POLA1: variants seen among roughly 807,000 people sequenced by gnomAD.
POLA1 encodes the protein DNA polymerase alpha catalytic subunit.
POLA1 carries 15 observed loss-of-function variants against 124.0 expected under a neutral mutation model. The observed-to-expected ratio is 0.12, with a 90% CI of 0.08 to 0.19. The LOEUF is 0.19. POLA1 is among the 10% of genes least tolerant of loss of function. The probability of loss-of-function intolerance (pLI) is 1.00; values close to 1 mark genes in which losing one functional copy is unlikely to be tolerated. For missense variants in POLA1, 886 were observed against 1,103.4 expected (o/e 0.80, Z 2.79); for synonymous variants, 408 against 389.4 (o/e 1.05, Z -0.56).
chrX:24,729,227 G>C (rs1930737795), intron 15 of POLA1, among the ~76,000 whole-genome samples: 2 of 111,730 alleles, frequency 1.8e-5, no homozygotes, highest in African/African-American at 6.5e-5. Flanking sequence ...GTGGGGTACT[G>C]TCCTGGGCAT....
intron 35 of POLA1, among the ~76,000 whole-genome samples, chrX:24,897,067 A>G (rs1434612713): frequency 8.9e-6 from 1 of 111,943 alleles, no homozygotes; most frequent in Non-Finnish European, 1.9e-5. Context: ...TATAAGAGCC[A>G]TGATGCTATT....
intron 2 of POLA1, among the ~76,000 whole-genome samples, chrX:24,702,996 G>A (rs772684821): frequency 2.8e-4 from 31 of 111,874 alleles, no homozygotes; most frequent in Non-Finnish European, 4.3e-4. Context: ...GTAATTGATG[G>A]TATGACAAGT....
chrX:24,893,013 G>T (rs138290085), intron 35 of POLA1, among the ~76,000 whole-genome samples: 24 of 112,106 alleles, frequency 2.1e-4, no homozygotes, highest in African/African-American at 7.1e-4. Context: ...GAGAAATAAT[G>T]AACTTATAAT....
chrX:24,928,843 T>C (rs2047731820), intron 35 of POLA1, among the ~76,000 whole-genome samples: 1 of 111,769 alleles, frequency 8.9e-6, no homozygotes, highest in African/African-American at 3.2e-5. Flanking sequence ...ATGATGCATA[T>C]TGTAGAATAG....
chrX:24,795,959 C>A (rs888791699), intron 26 of POLA1, among the ~76,000 whole-genome samples: 2 of 111,554 alleles, frequency 1.8e-5, no homozygotes, highest in African/African-American at 6.5e-5. Context: ...AATATAATCA[C>A]TTATGACTTA....
chrX:24,967,045 G>A (rs769093318), intron 36 of POLA1, among the ~76,000 whole-genome samples: 134 of 110,563 alleles, frequency 1.2e-3, no homozygotes, highest in African/African-American at 1.3e-3. Flanking sequence ...GTTCTTTTTT[G>A]TTACTCTAAA....
intron 36 of POLA1, among the ~76,000 whole-genome samples, chrX:24,931,151 A>T (rs1221404683): frequency 2.7e-5 from 3 of 109,922 alleles, no homozygotes; most frequent in Non-Finnish European, 5.7e-5. Context: ...AACTTAAAGT[A>T]TTTGAAAATG....
intron 27 of POLA1, among the ~76,000 whole-genome samples, chrX:24,810,268 A>G (rs945751682): frequency 9.8e-5 from 11 of 111,721 alleles, no homozygotes; most frequent in Admixed American, 2.9e-4. Flanking sequence ...ACTGTTTGCA[A>G]CTGTATTAAG....
chrX:24,735,353 C>G (rs748551265), intron 17 of POLA1, 46 bp from the exon 18 acceptor site: 2 of 779,872 alleles, frequency 2.6e-6, no homozygotes, highest in Non-Finnish European at 4.0e-6. Flanking sequence ...ACAGTACTTG[C>G]GGACAGTAAA....
chrX:24,694,101 G>C, intron 1 of POLA1, 97 bp downstream of exon 1: 2 of 873,942 alleles, frequency 2.3e-6, no homozygotes, highest in Non-Finnish European at 1.6e-6. Context: ...GGGTTTGTTT[G>C]GGCGCAGACC....
intron 31 of POLA1, among the ~76,000 whole-genome samples, chrX:24,823,737 G>A (rs2046128026): frequency 8.9e-6 from 1 of 112,393 alleles, no homozygotes; most frequent in Admixed American, 9.4e-5. Flanking sequence ...ACTGTTTGCT[G>A]CCTTAAGCAA....
At chrX:24,775,996 C>T (rs960930874) in intron 26 of POLA1, among the ~76,000 whole-genome samples, 1 of 111,445 alleles carries the variant, frequency 9.0e-6, no homozygotes, top group African/African-American at 3.3e-5. Flanking sequence ...TGGATCTCAC[C>T]GCTCTTGTAA....
intron 36 of POLA1, among the ~76,000 whole-genome samples, chrX:24,932,875 A>G (rs1456338258): frequency 8.9e-6 from 1 of 111,918 alleles, no homozygotes; most frequent in Non-Finnish European, 1.9e-5. Context: ...CAGATCATGC[A>G]GTAATGCTAA....
intron 8 of POLA1, 60 bp from the exon 9 acceptor site, chrX:24,717,229 CT>C: frequency 2.0e-6 from 2 of 1,006,977 alleles, no homozygotes; most frequent in Non-Finnish European, 2.8e-6. Context: ...CTTTGTGTGC[CT>C]TTGTGTGCCT....
chrX:24,951,525 G>C (rs959938416), intron 36 of POLA1, among the ~76,000 whole-genome samples: 1 of 109,557 alleles, frequency 9.1e-6, no homozygotes, highest in Non-Finnish European at 1.9e-5. Context: ...TTAAATACTG[G>C]TGTGTTTACC....
chrX:24,738,764 CTTA>C (rs1355294155), intron 19 of POLA1, among the ~76,000 whole-genome samples: 3 of 111,944 alleles, frequency 2.7e-5, no homozygotes, highest in African/African-American at 9.7e-5. Context: ...TGCTTGAAAT[CTTA>C]TTTTACTTAA....
intron 10 of POLA1, among the ~76,000 whole-genome samples, chrX:24,722,613 A>G (rs1279992992): frequency 8.8e-6 from 1 of 113,021 alleles, no homozygotes; most frequent in African/African-American, 3.2e-5. Flanking sequence ...ATTGGTTTTT[A>G]TAGGTAAATA....
intron 36 of POLA1, among the ~76,000 whole-genome samples, chrX:24,981,986 CT>C (rs2147289396): frequency 9.0e-6 from 1 of 111,712 alleles, no homozygotes; most frequent in South Asian, 3.8e-4. Flanking sequence ...GCAATTTTCT[CT>C]TTTCACCCAG....
chrX:24,928,691 A>T (rs780743768), intron 35 of POLA1, among the ~76,000 whole-genome samples: 1 of 112,347 alleles, frequency 8.9e-6, no homozygotes, highest in East Asian at 2.8e-4. Flanking sequence ...GCATGTGTGC[A>T]GTCAGGGAGA....
Sources: allele counts gnomAD v4.1 joint callset (sites outside exome capture counted in the v4.1 genomes callset), GRCh38; gene constraint gnomAD v4.1.1; transcripts MANE v1.5; gene names NCBI Gene and HGNC (gene_info 2026-07-23, HGNC 2026-07-21).